The following RSRC1 variants were observed in gnomAD, a reference collection of about 807,000 sequenced individuals.
RSRC1 encodes the protein serine/Arginine-related protein 53.
RSRC1 carries 39 observed loss-of-function variants against 49.1 expected under a neutral mutation model. The observed-to-expected ratio is 0.79, with a 90% CI of 0.61 to 1.04. The LOEUF is 1.04. RSRC1 is among the 50% of genes least tolerant of loss of function. RSRC1 has a pLI of 0.00. For missense variants in RSRC1, 388 were observed against 402.4 expected, an observed-to-expected ratio of 0.96 and a Z score of 0.31; for synonymous variants, 143 against 130.8, an observed-to-expected ratio of 1.09 and a Z score of -0.63.
intron 4 of RSRC1, among the ~76,000 whole-genome samples, chr3:158,238,134 A>G (rs1463749217): frequency 6.6e-6 from 1 of 152,210 alleles, no homozygotes; most frequent in Non-Finnish European, 1.5e-5. Context: ...CAAAGAGAGT[A>G]AAATACCCAG....
At chr3:158,142,531 A>G (rs1716814134) in intron 3 of RSRC1, among the ~76,000 whole-genome samples, 1 of 152,206 alleles carries the variant, frequency 6.6e-6, no homozygotes, top group African/African-American at 2.4e-5. Flanking sequence ...TGCAGGGTAG[A>G]TATGATGCAT....
At chr3:158,445,493 G>A (rs546642005) in intron 6 of RSRC1, among the ~76,000 whole-genome samples, 22 of 152,162 alleles carry the variant, frequency 1.4e-4, no homozygotes, top group African/African-American at 3.1e-4. Context: ...CTCACACACC[G>A]GGGCATGTCG....
At chr3:158,172,534 C>T (rs1718936657) in intron 3 of RSRC1, among the ~76,000 whole-genome samples, 1 of 152,128 alleles carries the variant, frequency 6.6e-6, no homozygotes, top group Non-Finnish European at 1.5e-5. Context: ...GTTAGTAGCA[C>T]ATCTCTCCTC....
intron 7 of RSRC1, among the ~76,000 whole-genome samples, chr3:158,509,365 T>C (rs1740032116): frequency 6.6e-6 from 1 of 152,190 alleles, no homozygotes; most frequent in Non-Finnish European, 1.5e-5. Context: ...CAACTTCCAA[T>C]TTGAGATACA....
chr3:158,120,847 G>A (rs1016805798), intron 1 of RSRC1, among the ~76,000 whole-genome samples: 3 of 150,502 alleles, frequency 2.0e-5, no homozygotes, highest in Admixed American at 6.6e-5. Flanking sequence ...TACAACGAAT[G>A]GATCTTGTTT....
At chr3:158,343,946 A>G (rs970181519) in intron 5 of RSRC1, among the ~76,000 whole-genome samples, 3 of 152,210 alleles carry the variant, frequency 2.0e-5, no homozygotes, top group Non-Finnish European at 4.4e-5. Context: ...ATAAACCAAC[A>G]GACCCAAGAA....
chr3:158,170,006 TG>T (rs954555713), intron 3 of RSRC1, among the ~76,000 whole-genome samples: 31 of 152,206 alleles, frequency 2.0e-4, no homozygotes, highest in Admixed American at 3.9e-4. Context: ...GTCTTATATC[TG>T]GGCTTACTAT....
intron 3 of RSRC1, among the ~76,000 whole-genome samples, chr3:158,201,519 T>A (rs1721044319): frequency 6.6e-6 from 1 of 152,166 alleles, no homozygotes; most frequent in South Asian, 2.1e-4. Flanking sequence ...GTCACACAGA[T>A]CCCTGAGGGG....
intron 6 of RSRC1, among the ~76,000 whole-genome samples, chr3:158,361,154 C>A (rs573417240): frequency 1.3e-5 from 2 of 152,110 alleles, no homozygotes; most frequent in East Asian, 3.9e-4. Flanking sequence ...TCAGGCCTGG[C>A]GGTCACCCAA....
rs148614427 is a variant in RSRC1 at position 158,206,317 on chromosome 3, C to T, written c.494+3072C>T. On this transcript the variant is annotated intron_variant, in intron 4 of 9. Coordinates refer to ENST00000611884, the MANE Select transcript of RSRC1 (RefSeq NM_001271838.2). ...AGTCTCTGTGTCAGGGAAGGGCTCT[C>T]AGATGAAGTGATTTTACATATTGAA... Among the ~76,000 whole-genome samples the T allele has an allele frequency of 1.4e-3, 219 of 152,178 alleles. 4 individuals are homozygous for T. Among genetic ancestry groups the T allele is most frequent in the Middle Eastern group, 0.014 (4 of 294 alleles).
intron 3 of RSRC1, among the ~76,000 whole-genome samples, chr3:158,202,721 T>C (rs953038083): frequency 6.6e-6 from 1 of 151,534 alleles, no homozygotes; most frequent in Non-Finnish European, 1.5e-5. Context: ...TAAGGTTGAA[T>C]AGATAATGGA....
intron 6 of RSRC1, among the ~76,000 whole-genome samples, chr3:158,418,692 A>C (rs1734879950): frequency 6.6e-6 from 1 of 151,960 alleles, no homozygotes; most frequent in Non-Finnish European, 1.5e-5. Context: ...GCCTCAGGAC[A>C]AGAATACTTA....
At chr3:158,499,802 G>A (rs893249548) in intron 7 of RSRC1, among the ~76,000 whole-genome samples, 9 of 152,190 alleles carry the variant, frequency 5.9e-5, no homozygotes, top group East Asian at 1.9e-4. Flanking sequence ...TGATCATATC[G>A]TCAGCAAACG....
At chr3:158,118,952 C>T (rs370009892) in intron 1 of RSRC1, among the ~76,000 whole-genome samples, 9 of 152,084 alleles carry the variant, frequency 5.9e-5, no homozygotes, top group African/African-American at 2.2e-4. Flanking sequence ...AGGGCTATGA[C>T]TTTTCTATTT....
chr3:158,245,807 A>G (rs945677337), intron 4 of RSRC1, among the ~76,000 whole-genome samples: 9 of 152,152 alleles, frequency 5.9e-5, no homozygotes, highest in Admixed American at 1.3e-4. Flanking sequence ...AGCATTGTGT[A>G]ATGCTCTTCT....
intron 3 of RSRC1, among the ~76,000 whole-genome samples, chr3:158,151,359 A>G (rs1470789329): frequency 6.6e-6 from 1 of 152,188 alleles, no homozygotes; most frequent in African/African-American, 2.4e-5. Context: ...CTACTCTGTG[A>G]CTTTGTGTCT....
At chr3:158,276,413 T>C in intron 4 of RSRC1, 1 of 755,996 alleles carries the variant, frequency 1.3e-6, no homozygotes, top group South Asian at 1.4e-5. Context: ...TGTGCTTGTA[T>C]GCACCCATCT....
intron 4 of RSRC1, among the ~76,000 whole-genome samples, chr3:158,286,974 G>A (rs576517171): frequency 5.3e-5 from 8 of 152,134 alleles, no homozygotes; most frequent in South Asian, 4.1e-4. Context: ...CTACAGCTGC[G>A]TGCCACCACA....
At chr3:158,514,059 G>A (rs970279798) in intron 7 of RSRC1, among the ~76,000 whole-genome samples, 2 of 151,994 alleles carry the variant, frequency 1.3e-5, no homozygotes, top group African/African-American at 2.4e-5. Context: ...GATCCTTTCA[G>A]AAAACCAGCT....
Sources: allele counts gnomAD v4.1 joint callset (sites outside exome capture counted in the v4.1 genomes callset), GRCh38; gene constraint gnomAD v4.1.1; transcripts MANE v1.5; gene names NCBI Gene and HGNC (gene_info 2026-07-23, HGNC 2026-07-21).